Variants in GAS2 observed in about 807,000 individuals in gnomAD.
GAS2 encodes growth arrest-specific protein 2.
GAS2 carries 20 observed loss-of-function variants against 37.5 expected under a neutral mutation model. The ratio of observed to expected loss-of-function variants is 0.53; its 90% confidence interval spans 0.37 to 0.77. The LOEUF is 0.77. GAS2 is among the 30% of genes least tolerant of loss of function. GAS2 has a pLI of 0.00. For synonymous variants in GAS2, 144 were observed against 132.2 expected (o/e 1.09, Z -0.61); for missense variants, 336 against 373.4 (o/e 0.90, Z 0.82).
At chr11:22,727,032 G>A (rs934980572) in intron 4 of GAS2, among the ~76,000 whole-genome samples, 1 of 152,056 alleles carries the variant, frequency 6.6e-6, no homozygotes, top group Non-Finnish European at 1.5e-5. Flanking sequence ...GATTTCTGTA[G>A]TTGTTTCTGA....
chr11:22,797,189 C>T (rs898379410), intron 7 of GAS2, among the ~76,000 whole-genome samples: 8 of 151,972 alleles, frequency 5.3e-5, no homozygotes, highest in South Asian at 2.1e-4. Context: ...CGGCAGTTGG[C>T]GTTAAGTGCT....
chr11:22,784,575 A>G (rs1485121757), intron 7 of GAS2, among the ~76,000 whole-genome samples: 1 of 152,154 alleles, frequency 6.6e-6, no homozygotes, highest in Non-Finnish European at 1.5e-5. Context: ...TATAATAGTC[A>G]TTGCTCACAA....
intron 3 of GAS2, among the ~76,000 whole-genome samples, chr11:22,710,603 T>C (rs1284342008): frequency 6.6e-6 from 1 of 152,000 alleles, no homozygotes; most frequent in African/African-American, 2.4e-5. Flanking sequence ...TTCTCGAAAA[T>C]ATAACTATCA....
chr11:22,732,908 C>G (rs1292272495), intron 4 of GAS2, among the ~76,000 whole-genome samples: 1 of 151,574 alleles, frequency 6.6e-6, no homozygotes, highest in African/African-American at 2.4e-5. Context: ...GGAATTATAA[C>G]TACTATTTAT....
intron 3 of GAS2, among the ~76,000 whole-genome samples, chr11:22,690,299 C>G (rs928608836): frequency 3.0e-4 from 46 of 152,224 alleles, no homozygotes; most frequent in African/African-American, 1.0e-3. Flanking sequence ...ATCCATGACT[C>G]TTTTATATCC....
At chr11:22,767,225 A>T (rs1472073779) in intron 7 of GAS2, among the ~76,000 whole-genome samples, 1 of 152,166 alleles carries the variant, frequency 6.6e-6, no homozygotes, top group African/African-American at 2.4e-5. Flanking sequence ...ACTGCAGCTA[A>T]TAGAAATTTA....
At chr11:22,755,719 A>G (rs1189622969) in intron 6 of GAS2, 127 bp from the exon 7 acceptor site, 8 of 620,460 alleles carry the variant, frequency 1.3e-5, no homozygotes, top group Non-Finnish European at 2.0e-5. Context: ...CTATGCTCAC[A>G]TGATGTCCAT....
At chr11:22,805,702 G>C (rs1014409559) in intron 7 of GAS2, among the ~76,000 whole-genome samples, 2 of 152,142 alleles carry the variant, frequency 1.3e-5, no homozygotes, top group Admixed American at 1.3e-4. Context: ...AAGCAAGTAT[G>C]TTAAGAAAGT....
intron 3 of GAS2, among the ~76,000 whole-genome samples, chr11:22,703,001 A>T (rs1850924882): frequency 6.6e-6 from 1 of 152,202 alleles, no homozygotes; most frequent in African/African-American, 2.4e-5. Flanking sequence ...CAGTTGCATT[A>T]AAGGCATATG....
chr11:22,807,933 G>A (rs900031211), intron 7 of GAS2, among the ~76,000 whole-genome samples: 1 of 152,140 alleles, frequency 6.6e-6, no homozygotes, highest in African/African-American at 2.4e-5. Flanking sequence ...CTGTCTGGGA[G>A]TCCTGATGAT....
intron 1 of GAS2, among the ~76,000 whole-genome samples, chr11:22,641,298 A>T (rs1411653950): frequency 2.9e-5 from 1 of 34,852 alleles, no homozygotes; most frequent in South Asian, 1.0e-3. Context: ...CTTTATATAT[A>T]TATCTTTATA....
At chr11:22,688,172 G>A (rs1221434839) in intron 3 of GAS2, among the ~76,000 whole-genome samples, 3 of 152,086 alleles carry the variant, frequency 2.0e-5, no homozygotes, top group Admixed American at 6.5e-5. Context: ...TGTCTGAGCC[G>A]TACTTTCCTT....
chr11:22,704,950 A>G (rs968357052), intron 3 of GAS2, among the ~76,000 whole-genome samples: 3 of 152,132 alleles, frequency 2.0e-5, no homozygotes, highest in African/African-American at 7.2e-5. Context: ...ATGCCATGTG[A>G]TATGATAATA....
intron 7 of GAS2, among the ~76,000 whole-genome samples, chr11:22,757,855 T>G (rs767432010): frequency 6.6e-6 from 1 of 151,198 alleles, no homozygotes; most frequent in East Asian, 1.9e-4. Context: ...ATTTCCACCC[T>G]GAAGGAGTAA....
At chr11:22,750,449 A>G (rs540541077) in intron 6 of GAS2, among the ~76,000 whole-genome samples, 61 of 152,200 alleles carry the variant, frequency 4.0e-4, no homozygotes, top group Middle Eastern at 3.4e-3. Context: ...CAGCAAGCAT[A>G]TTAGCTCTTA....
chr11:22,689,869 A>T (rs963725184), intron 3 of GAS2, among the ~76,000 whole-genome samples: 1 of 152,206 alleles, frequency 6.6e-6, no homozygotes, highest in African/African-American at 2.4e-5. Flanking sequence ...ACTATTTCTC[A>T]TTTTGGCATT....
At chr11:22,715,038 A>G (rs977332205) in intron 3 of GAS2, among the ~76,000 whole-genome samples, 5 of 152,212 alleles carry the variant, frequency 3.3e-5, no homozygotes, top group Non-Finnish European at 7.3e-5. Flanking sequence ...TGAAATTGAA[A>G]CAATGACAAA....
rs549145576 is a variant in GAS2 at position 22,787,218 on chromosome 11, G to A, written c.724-24580G>A. Among the ~76,000 whole-genome samples the A allele has an allele frequency of 6.6e-5, 10 of 152,208 alleles. No homozygotes were observed. In the South Asian group the frequency reaches 2.1e-3, roughly 32 times the overall value. ...TCTGAAATGTATGACGTAAATCCAG[G>A]CTCTGTAGCTATTTATGCTGTGTGA... On this transcript the variant is annotated intron_variant, in intron 7 of 7. Coordinates refer to ENST00000454584, the MANE Select transcript of GAS2 (RefSeq NM_001143830.3).
At chr11:22,715,787 C>A (rs900979506) in intron 3 of GAS2, among the ~76,000 whole-genome samples, 3 of 152,106 alleles carry the variant, frequency 2.0e-5, no homozygotes, top group Non-Finnish European at 4.4e-5. Context: ...GAATTGGTAC[C>A]AATCCTGCTG....
Sources: gnomAD v4.1 joint callset for allele counts (sites outside exome capture counted in the v4.1 genomes callset) on GRCh38, gnomAD v4.1.1 for gene constraint, MANE v1.5 for transcripts, NCBI Gene and HGNC (gene_info 2026-07-23, HGNC 2026-07-21) for gene names.